Variants in AUTS2 observed in about 807,000 individuals in gnomAD.
AUTS2 encodes the protein activator of transcription and developmental regulator AUTS2, also known as autism susceptibility gene 2 protein.
AUTS2 carries 17 observed loss-of-function variants against 112.4 expected under a neutral mutation model. The ratio of observed to expected loss-of-function variants is 0.15; its 90% confidence interval spans 0.10 to 0.23. The LOEUF is 0.23. Among genes scored for constraint, AUTS2 ranks in the 10% least tolerant of loss-of-function variants. The probability of loss-of-function intolerance (pLI) is 1.00; values close to 1 mark genes in which losing one functional copy is unlikely to be tolerated. For synonymous variants in AUTS2, 751 were observed against 702.7 expected, an observed-to-expected ratio of 1.07 and a Z score of -1.09; for missense variants, 1,510 against 1,701.6, an observed-to-expected ratio of 0.89 and a Z score of 1.98.
chr7:69,816,492 C>G (rs1399027528), intron 1 of AUTS2, among the ~76,000 whole-genome samples: 1 of 152,184 alleles, frequency 6.6e-6, no homozygotes, highest in Non-Finnish European at 1.5e-5. Flanking sequence ...CGTAGGTAAG[C>G]TCTTCGGCCC....
intron 5 of AUTS2, among the ~76,000 whole-genome samples, chr7:70,666,466 G>A (rs1218112647): frequency 1.3e-5 from 2 of 152,086 alleles, no homozygotes; most frequent in Admixed American, 6.5e-5. Context: ...TTGTTTCCAC[G>A]ACTGGAAGAA....
At chr7:70,519,522 T>G (rs1449965750) in intron 5 of AUTS2, among the ~76,000 whole-genome samples, 2 of 152,184 alleles carry the variant, frequency 1.3e-5, no homozygotes, top group Admixed American at 6.5e-5. Context: ...AAAACCCAGT[T>G]AGAATTTAAT....
At position 69,778,400 on chromosome 7, in the gene AUTS2, T is replaced by TA. The variant is rs1319697846; in HGVS notation, c.310-120877dup. Among the ~76,000 whole-genome samples, 11 of 149,952 alleles carry TA rather than the reference T, an allele frequency of 7.3e-5. No homozygotes were observed. The East Asian group carries it at 9.8e-4, about 13-fold the overall frequency. ...GTATGTTAGAATCACCCAGGGAGTT[T>TA]AAAAAAAAACCCATGCCAAGACCCC... is the stretch of plus-strand genomic sequence containing the variant. On this transcript the variant is annotated intron_variant, in intron 1 of 18. Coordinates refer to ENST00000342771, the MANE Select transcript of AUTS2 (RefSeq NM_015570.4).
intron 2 of AUTS2, among the ~76,000 whole-genome samples, chr7:70,108,540 T>C (rs1009238547): frequency 1.3e-5 from 2 of 151,906 alleles, no homozygotes; most frequent in African/African-American, 4.8e-5. Flanking sequence ...TCCCAATAGG[T>C]ATTGCTCCCC....
chr7:70,026,717 A>G (rs1012967984), intron 2 of AUTS2, among the ~76,000 whole-genome samples: 1 of 152,192 alleles, frequency 6.6e-6, no homozygotes, highest in Non-Finnish European at 1.5e-5. Context: ...TGAAGGAAAT[A>G]GACATTAATA....
chr7:69,724,052 G>A (rs1013448142), intron 1 of AUTS2, among the ~76,000 whole-genome samples: 1 of 152,100 alleles, frequency 6.6e-6, no homozygotes, highest in African/African-American at 2.4e-5. Context: ...GGTCTCCATG[G>A]TATTTCTGAG....
At chr7:70,218,868 T>G (rs1811315153) in intron 4 of AUTS2, among the ~76,000 whole-genome samples, 1 of 152,148 alleles carries the variant, frequency 6.6e-6, no homozygotes, top group Admixed American at 6.5e-5. Context: ...GACCTAGCGA[T>G]ATGTACCTGT....
At chr7:69,632,139 A>G (rs1794274810) in intron 1 of AUTS2, among the ~76,000 whole-genome samples, 1 of 152,230 alleles carries the variant, frequency 6.6e-6, no homozygotes, top group Admixed American at 6.5e-5. Flanking sequence ...CTTTGTTGTC[A>G]GTGAAATCTT....
chr7:70,610,209 G>A (rs1339116467), intron 5 of AUTS2, among the ~76,000 whole-genome samples: 1 of 151,896 alleles, frequency 6.6e-6, no homozygotes, highest in Non-Finnish European at 1.5e-5. Flanking sequence ...ATGTAGGCTG[G>A]GCTGGTCTCG....
At chr7:69,715,419 C>T (rs1798559943) in intron 1 of AUTS2, among the ~76,000 whole-genome samples, 1 of 152,108 alleles carries the variant, frequency 6.6e-6, no homozygotes, top group Non-Finnish European at 1.5e-5. Flanking sequence ...ACAGATATTT[C>T]ATAGGCCACT....
intron 4 of AUTS2, among the ~76,000 whole-genome samples, chr7:70,148,694 G>C (rs1475187908): frequency 6.6e-6 from 1 of 151,580 alleles, no homozygotes; most frequent in South Asian, 2.1e-4. Flanking sequence ...CTGTTCTACT[G>C]TGTTACTGAA....
At position 70,728,677 on chromosome 7, in the gene AUTS2, C is replaced by T. The variant is rs546522411; in HGVS notation, c.742+30057C>T. The stretch of plus-strand genomic sequence containing the variant: ...GAGCCATGATTGTGCCACTGCACTC[C>T]AGCCTGGGAGACAGAGCGAGACTCT... On this transcript the variant is annotated intron_variant, in intron 6 of 18. Transcript: ENST00000342771. Among the ~76,000 whole-genome samples, 259 of 141,876 alleles carry T rather than the reference C, an allele frequency of 1.8e-3. 1 individual carries two copies. Among genetic ancestry groups the T allele is most frequent in the African/African-American group, 6.4e-3 (242 of 37,524 alleles). The allele number at this position is 141,876 out of a possible 152,430, so 93.1% of individuals were successfully genotyped here.
At chr7:70,313,160 G>A (rs969195757) in intron 4 of AUTS2, among the ~76,000 whole-genome samples, 5 of 152,116 alleles carry the variant, frequency 3.3e-5, no homozygotes, top group Non-Finnish European at 7.4e-5. Context: ...AGATCTCTTC[G>A]AGTTTAAGGA....
chr7:70,582,510 G>A (rs1242165227), intron 5 of AUTS2, among the ~76,000 whole-genome samples: 1 of 152,206 alleles, frequency 6.6e-6, no homozygotes, highest in Non-Finnish European at 1.5e-5. Context: ...AAAGAAATAG[G>A]AATGTGAGGG....
intron 5 of AUTS2, among the ~76,000 whole-genome samples, chr7:70,513,176 G>A (rs1799271326): frequency 1.3e-5 from 2 of 152,108 alleles, no homozygotes; most frequent in Admixed American, 6.6e-5. Context: ...TTGACAACTT[G>A]GGTTGTGTAA....
intron 1 of AUTS2, among the ~76,000 whole-genome samples, chr7:69,740,604 A>G (rs1044257938): frequency 1.3e-5 from 2 of 151,830 alleles, no homozygotes; most frequent in Admixed American, 1.3e-4. Context: ...GCTCACTGCA[A>G]CCTCCACCTC....
At chr7:70,252,004 ATAATT>A (rs1786625318) in intron 4 of AUTS2, among the ~76,000 whole-genome samples, 2 of 152,210 alleles carry the variant, frequency 1.3e-5, no homozygotes, top group Admixed American at 6.5e-5. Flanking sequence ...TTTTCACTAA[ATAATT>A]TAGGTTATAT....
At chr7:69,755,727 G>A (rs921850501) in intron 1 of AUTS2, among the ~76,000 whole-genome samples, 45 of 152,124 alleles carry the variant, frequency 3.0e-4, no homozygotes, top group Admixed American at 2.9e-3. Context: ...TGAATGCACA[G>A]GGCAGAATAG....
intron 4 of AUTS2, among the ~76,000 whole-genome samples, chr7:70,190,663 G>A (rs1809833019): frequency 6.6e-6 from 1 of 152,160 alleles, no homozygotes; most frequent in Admixed American, 6.5e-5. Flanking sequence ...TGGGCATCTG[G>A]TGGAGCCTCA....
Sources: allele counts gnomAD v4.1 joint callset (sites outside exome capture counted in the v4.1 genomes callset), GRCh38; gene constraint gnomAD v4.1.1; transcripts MANE v1.5; gene names NCBI Gene and HGNC (gene_info 2026-07-23, HGNC 2026-07-21).